TBCE: variants seen among roughly 807,000 people sequenced by gnomAD.
TBCE encodes tubulin folding cofactor E.
A neutral mutation model predicts 77.0 loss-of-function variants in TBCE; 53 were observed. That is an observed-to-expected ratio of 0.69 (90% CI 0.55 to 0.87). The LOEUF (loss-of-function observed/expected upper bound fraction) is 0.87. Ranked by LOEUF, TBCE falls within the 40% of genes least tolerant of loss-of-function variation. The pLI, the probability that TBCE is intolerant of heterozygous loss-of-function variation, is 0.00. For missense variants in TBCE, 624 were observed against 622.4 expected, an observed-to-expected ratio of 1.00 and a Z score of -0.03; for synonymous variants, 235 against 241.3, an observed-to-expected ratio of 0.97 and a Z score of 0.24.
intron 15 of TBCE, among the ~76,000 whole-genome samples, chr1:235,446,972 A>G (rs1443680546): frequency 6.6e-6 from 1 of 152,174 alleles, no homozygotes; most frequent in East Asian, 1.9e-4. Flanking sequence ...GGCCAGGCAG[A>G]TTTCTTATTA....
rs1681527691 is a variant in TBCE, at chr1:235,437,348, G to A, written c.990G>A (p.Lys330=). 6.2e-7 allele frequency: 1 copy of A among 1,614,028 alleles called. No individual in the cohort carries two copies. The highest frequency in any genetic ancestry group is 1.3e-5 in the African/African-American group (1 of 74,980). The change falls in exon 12 of 17, where the codon AAG becomes AAA. Residue 330 remains lysine, a synonymous_variant. Transcript: ENST00000642610. The part of the protein sequence containing the change: ...SQWSFFNELE[K]LPSLRALSCL... ...GGTCGTTTTTCAATGAGCTAGAGAA[G>A]TTACCAAGTCTACGGGCTTTGTCCT...
intron 5 of TBCE, among the ~76,000 whole-genome samples, 167 bp downstream of exon 5, chr1:235,419,728 A>C (rs762889596): frequency 2.6e-5 from 4 of 152,172 alleles, no homozygotes; most frequent in Non-Finnish European, 5.9e-5. Context: ...TTACCTTCCC[A>C]GACCCCTTTG....
chr1:235,405,989 C>T (rs1385288772), intron 3 of TBCE, among the ~76,000 whole-genome samples: 1 of 152,178 alleles, frequency 6.6e-6, no homozygotes, highest in Non-Finnish European at 1.5e-5. Context: ...GATTCTTAGC[C>T]TTGGAATAAC....
chr1:235,427,337 G>T, intron 6 of TBCE, 98 bp downstream of exon 6: 2 of 891,582 alleles, frequency 2.2e-6, no homozygotes, highest in Non-Finnish European at 3.7e-6. Flanking sequence ...GAGCCGGAAG[G>T]GTTAAGGCTG....
At chr1:235,398,968 T>TTTTGAGACAG (rs1352766764) in intron 2 of TBCE, among the ~76,000 whole-genome samples, 1 of 149,848 alleles carries the variant, frequency 6.7e-6, no homozygotes, top group Non-Finnish European at 1.5e-5. Context: ...TTTTTTTCTT[T>TTTTGAGACAG]TTTGAGACAG....
chr1:235,405,087 C>T (rs1424421907), intron 3 of TBCE, among the ~76,000 whole-genome samples: 4 of 151,590 alleles, frequency 2.6e-5, no homozygotes, highest in African/African-American at 4.8e-5. Flanking sequence ...CTCAGTCTTC[C>T]GAGTAGCTGG....
rs1257565712 is a variant in TBCE, at chr1:235,437,440, G to A, written c.1082G>A (p.Ser361Asn). Residue 361 changes from serine (S) to asparagine (N), a missense_variant, in exon 12 of 17, where the codon AGC becomes AAC. Coordinates refer to ENST00000642610, the MANE Select transcript of TBCE (RefSeq NM_003193.5). The part of the protein sequence containing the change: ...AETARLLIIA[S>N]IGQLKTLNKC... ...ACGGCGCGACTACTCATTATCGCCA[G>A]CATTGGCCAGCTGAAGACGCTGAAC... 2 of 1,614,128 alleles carry A rather than the reference G, an allele frequency of 1.2e-6. No individual in the cohort carries two copies. Among genetic ancestry groups the A allele is most frequent in the African/African-American group, 2.7e-5 (2 of 75,044 alleles).
intron 4 of TBCE, chr1:235,414,875 T>C (rs961041836): frequency 1.6e-5 from 7 of 436,198 alleles, no homozygotes; most frequent in East Asian, 4.6e-5. Flanking sequence ...TCACATCATA[T>C]TATCTCGTGT....
chr1:235,386,456 T>C (rs111889642), intron 2 of TBCE, among the ~76,000 whole-genome samples: 3 of 151,426 alleles, frequency 2.0e-5, no homozygotes, highest in African/African-American at 7.3e-5. Context: ...TAGATTTGGT[T>C]TTTTCACATA....
chr1:235,369,896 G>T (rs1339760416), intron 1 of TBCE, among the ~76,000 whole-genome samples: 1 of 151,414 alleles, frequency 6.6e-6, no homozygotes, highest in Non-Finnish European at 1.5e-5. Context: ...ATGTGACCTA[G>T]CCCTGCTTCA....
chr1:235,444,517 C>T (rs1682113364), intron 15 of TBCE, among the ~76,000 whole-genome samples: 1 of 152,206 alleles, frequency 6.6e-6, no homozygotes, highest in South Asian at 2.1e-4. Context: ...GATCCTCCTA[C>T]CTCAGCCTCC....
chr1:235,419,902 A>G (rs1035664630), intron 5 of TBCE, among the ~76,000 whole-genome samples: 1 of 152,036 alleles, frequency 6.6e-6, no homozygotes, highest in South Asian at 2.1e-4. Flanking sequence ...CCTGGCCAAC[A>G]TGGTGAAACC....
chr1:235,375,917 A>G (rs1165306532), intron 1 of TBCE, among the ~76,000 whole-genome samples: 3 of 152,068 alleles, frequency 2.0e-5, no homozygotes, highest in Non-Finnish European at 4.4e-5. Flanking sequence ...GCTTGGTGGC[A>G]CATGCCTATA....
At position 235,391,057 on chromosome 1, in the gene TBCE, G is replaced by A. The variant is rs576059127; in HGVS notation, c.101-10446G>A. Among the ~76,000 whole-genome samples the A allele has an allele frequency of 1.5e-4, 23 of 152,168 alleles. No homozygotes were observed. In the East Asian group the frequency reaches 3.3e-3, roughly 22 times the overall value. ...GTTCATTGCTACTGGGTTGGTCTTC[G>A]TTTCTGGGCCTTTTTAAAGGACAGA... On this transcript the variant is annotated intron_variant, in intron 2 of 16. Transcript: ENST00000642610.
At chr1:235,437,951 A>G (rs938790947) in intron 12 of TBCE, among the ~76,000 whole-genome samples, 2 of 152,154 alleles carry the variant, frequency 1.3e-5, no homozygotes, top group Non-Finnish European at 2.9e-5. Flanking sequence ...CCAGCTCCTC[A>G]GGAGAGAGTC....
chr1:235,422,033 C>A (rs1572403710), intron 5 of TBCE, among the ~76,000 whole-genome samples: 1 of 152,218 alleles, frequency 6.6e-6, no homozygotes, highest in East Asian at 1.9e-4. Context: ...CTGCCAGTCT[C>A]TGCCCCTGAG....
rs1204935635 is a variant in TBCE, at chr1:235,448,771, T to A, written c.*9T>A. The A allele has an allele frequency of 6.3e-7, 1 of 1,586,394 alleles. No individual in the cohort carries two copies. Among genetic ancestry groups the A allele is most frequent in the Admixed American group, 1.7e-5 (1 of 59,946 alleles). ...TATTAGTGCGATGGTGACAACCAAC[T>A]AATAAAATTTAAAGACCACACTGCT... On this transcript the variant is annotated 3_prime_UTR_variant, in exon 17 of 17. Transcript: ENST00000642610.
chr1:235,436,713 G>A lies in TBCE; in HGVS notation c.963+105G>A, dbSNP rs1018300268. On this transcript the variant is annotated intron_variant, in intron 11 of 16. Transcript: ENST00000642610. ...AAAAAAGTAAAAAGAAATTTAAATCGAAAGAGAAATACCTCCTCAGAGTGA... is the reference window on the plus strand; with the variant it reads ...AAAAAAGTAAAAAGAAATTTAAATCAAAAGAGAAATACCTCCTCAGAGTGA... 4.2e-5 allele frequency: 48 copies of A among 1,151,098 alleles called. 1 individual carries two copies. Among genetic ancestry groups the A allele is most frequent in the Non-Finnish European group, 5.6e-5 (43 of 771,774 alleles). The allele number at this position is 1,151,098 out of a possible 1,614,324, so 71.3% of individuals were successfully genotyped here.
intron 5 of TBCE, among the ~76,000 whole-genome samples, chr1:235,426,499 T>G (rs1017550055): frequency 2.0e-5 from 3 of 152,120 alleles, no homozygotes; most frequent in Admixed American, 1.3e-4. Context: ...ATACCTTAGG[T>G]GCTTCAGAAA....
Sources: gnomAD v4.1 joint callset for allele counts (sites outside exome capture counted in the v4.1 genomes callset) on GRCh38, gnomAD v4.1.1 for gene constraint, MANE v1.5 for transcripts, NCBI Gene and HGNC (gene_info 2026-07-23, HGNC 2026-07-21) for gene names.